The following SDC2 variants were observed in gnomAD, a reference collection of about 807,000 sequenced individuals.
The protein encoded by SDC2 is syndecan 2.
SDC2 carries 13 observed loss-of-function variants against 22.2 expected under a neutral mutation model. That is an observed-to-expected ratio of 0.59 (90% CI 0.38 to 0.93). The LOEUF (loss-of-function observed/expected upper bound fraction) is 0.93, where lower values mean the gene tolerates loss of function less well. SDC2 is among the 40% of genes least tolerant of loss of function. SDC2 has a pLI of 0.00. For synonymous variants in SDC2, 94 were observed against 92.8 expected (o/e 1.01, Z -0.07); for missense variants, 235 against 246.8 (o/e 0.95, Z 0.32).
intron 1 of SDC2, among the ~76,000 whole-genome samples, chr8:96,542,723 C>T (rs1163510397): frequency 4.0e-5 from 6 of 151,740 alleles, no homozygotes; most frequent in African/African-American, 1.5e-4. Flanking sequence ...GGGGGTAAGT[C>T]AGAATATTTA....
intron 1 of SDC2, among the ~76,000 whole-genome samples, chr8:96,518,698 CT>C: frequency 6.6e-6 from 1 of 152,240 alleles, no homozygotes; most frequent in South Asian, 2.1e-4. Flanking sequence ...GCTGAAACTT[CT>C]TGTGAAAATG....
rs549271608 is a variant in SDC2, at chr8:96,565,884, C to T, written c.61-27596C>T. Among the ~76,000 whole-genome samples, 454 of 152,270 alleles carry T rather than the reference C, an allele frequency of 3.0e-3. 3 individuals are homozygous for T. Among genetic ancestry groups the T allele is most frequent in the Non-Finnish European group, 5.0e-3 (343 of 68,022 alleles). ...AATTCAGAGTTCTGCAGCCAGTTGA[C>T]ATAGCTGCCTTGTTACCCCACAGAA... On this transcript the variant is annotated intron_variant, in intron 1 of 4. Transcript: ENST00000302190.
chr8:96,552,597 A>T (rs1814045000), intron 1 of SDC2, among the ~76,000 whole-genome samples: 1 of 152,196 alleles, frequency 6.6e-6, no homozygotes, highest in South Asian at 2.1e-4. Context: ...CCTAAATTTT[A>T]CTTAAATTTT....
chr8:96,524,604 TG>T (rs1461509197), intron 1 of SDC2, among the ~76,000 whole-genome samples: 2 of 152,188 alleles, frequency 1.3e-5, no homozygotes, highest in African/African-American at 4.8e-5. Flanking sequence ...GGGCAAGCAG[TG>T]GGTTTCTTTG....
chr8:96,501,171 G>T (rs1035889538), intron 1 of SDC2, among the ~76,000 whole-genome samples: 4 of 151,654 alleles, frequency 2.6e-5, no homozygotes, highest in African/African-American at 9.7e-5. Context: ...ACAAGTAACC[G>T]TGATGTTTAA....
chr8:96,571,776 AC>A (rs1464004837), intron 1 of SDC2, among the ~76,000 whole-genome samples: 1 of 152,218 alleles, frequency 6.6e-6, no homozygotes, highest in Admixed American at 6.5e-5. Flanking sequence ...AATCCTGAAG[AC>A]AGTACCTTGA....
intron 1 of SDC2, among the ~76,000 whole-genome samples, chr8:96,539,012 C>G (rs1475347934): frequency 6.6e-6 from 1 of 152,184 alleles, no homozygotes; most frequent in Non-Finnish European, 1.5e-5. Flanking sequence ...AGGGTGTATT[C>G]CTTTAATCTG....
At chr8:96,501,508 A>G (rs568849929) in intron 1 of SDC2, among the ~76,000 whole-genome samples, 61 of 151,828 alleles carry the variant, frequency 4.0e-4, no homozygotes, top group Non-Finnish European at 7.7e-4. Context: ...GGATTTCACC[A>G]TGTTGGCCAG....
At chr8:96,518,748 A>G (rs371823203) in intron 1 of SDC2, among the ~76,000 whole-genome samples, 2 of 152,192 alleles carry the variant, frequency 1.3e-5, no homozygotes, top group Non-Finnish European at 2.9e-5. Flanking sequence ...ATTTAGAACT[A>G]TAGGCTTTTA....
rs80050686 is a variant in SDC2, at chr8:96,545,938, G to A, written c.61-47542G>A. Among the ~76,000 whole-genome samples the A allele has an allele frequency of 5.3e-5, 8 of 152,330 alleles. No homozygotes were observed. In the East Asian group the frequency reaches 1.4e-3, roughly 26 times the overall value. On this transcript the variant is annotated intron_variant, in intron 1 of 4. Coordinates refer to ENST00000302190, the MANE Select transcript of SDC2 (RefSeq NM_002998.4). ...ACTAGAACTCTAGCTGGGAAATCAG[G>A]TGCAGGGATGCTGCATAATCCCCTG...
rs1453582654 is a variant in SDC2, at chr8:96,577,637, A to G, written c.61-15843A>G. Among the ~76,000 whole-genome samples, 5 of 152,252 alleles carry G rather than the reference A, an allele frequency of 3.3e-5. No homozygotes were observed. The South Asian group carries it at 1.0e-3, about 31-fold the overall frequency. On this transcript the variant is annotated intron_variant, in intron 1 of 4. Transcript: ENST00000302190. ...GGTTTACACCTTGTATTATACACTT[A>G]CATGAGTTTTGACAAATGCATAATG...
chr8:96,555,833 G>A (rs1048086606), intron 1 of SDC2, among the ~76,000 whole-genome samples: 1 of 152,066 alleles, frequency 6.6e-6, no homozygotes, highest in Non-Finnish European at 1.5e-5. Context: ...GCAAGTTGGG[G>A]CACCCATACA....
At chr8:96,535,356 C>T (rs918014018) in intron 1 of SDC2, among the ~76,000 whole-genome samples, 3 of 152,184 alleles carry the variant, frequency 2.0e-5, no homozygotes, top group Non-Finnish European at 4.4e-5. Context: ...TTGGGACATA[C>T]TTAAACTAAA....
chr8:96,520,090 A>G (rs1233068931), intron 1 of SDC2, among the ~76,000 whole-genome samples: 1 of 152,252 alleles, frequency 6.6e-6, no homozygotes, highest in Non-Finnish European at 1.5e-5. Context: ...TCCTGGAACA[A>G]GATGACTTTT....
intron 1 of SDC2, among the ~76,000 whole-genome samples, chr8:96,548,055 G>A (rs888006653): frequency 2.6e-5 from 4 of 152,140 alleles, no homozygotes; most frequent in African/African-American, 7.2e-5. Context: ...GAGCCACCAC[G>A]CCAAGTCCTT....
intron 1 of SDC2, among the ~76,000 whole-genome samples, chr8:96,545,978 G>T (rs1016615453): frequency 1.3e-5 from 2 of 152,218 alleles, no homozygotes; most frequent in South Asian, 4.1e-4. Context: ...GATGCGTGCA[G>T]CGAGGCAACA....
intron 1 of SDC2, chr8:96,580,519 T>C: frequency 4.1e-6 from 4 of 985,378 alleles, no homozygotes; most frequent in Non-Finnish European, 4.8e-6. Flanking sequence ...ACTCATCTTA[T>C]ACCAATTAAA....
At chr8:96,541,775 T>A (rs935798200) in intron 1 of SDC2, among the ~76,000 whole-genome samples, 5 of 152,182 alleles carry the variant, frequency 3.3e-5, no homozygotes, top group African/African-American at 1.2e-4. Context: ...ATGAATGTGG[T>A]GATGATTGCA....
At chr8:96,570,039 T>C (rs1311258448) in intron 1 of SDC2, among the ~76,000 whole-genome samples, 1 of 152,228 alleles carries the variant, frequency 6.6e-6, no homozygotes, top group African/African-American at 2.4e-5. Flanking sequence ...ACACGCAGGA[T>C]GCTAAGTGCT....
Sources: gnomAD v4.1 joint callset for allele counts (sites outside exome capture counted in the v4.1 genomes callset) on GRCh38, gnomAD v4.1.1 for gene constraint, MANE v1.5 for transcripts, NCBI Gene and HGNC (gene_info 2026-07-23, HGNC 2026-07-21) for gene names.